MYPN: variants seen among roughly 807,000 people sequenced by gnomAD.
The protein encoded by MYPN is sarcomeric protein myopalladin, 145 kDa (MYOP).
In MYPN, 63 loss-of-function variants were observed where a neutral mutation model predicts 129.4. The observed-to-expected ratio is 0.49, with a 90% CI of 0.40 to 0.60. The LOEUF (loss-of-function observed/expected upper bound fraction) is 0.60, where lower values mean the gene tolerates loss of function less well. MYPN is among the 20% of genes least tolerant of loss of function. The pLI, the probability that MYPN is intolerant of heterozygous loss-of-function variation, is 0.00. For missense variants in MYPN, 1,596 were observed against 1,635.4 expected (o/e 0.98, Z 0.42); for synonymous variants, 629 against 600.9 (o/e 1.05, Z -0.68).
chr10:68,182,286 T>C (rs1230823947), intron 12 of MYPN, among the ~76,000 whole-genome samples: 6 of 39,436 alleles, frequency 1.5e-4, no homozygotes, highest in Non-Finnish European at 3.3e-4. Context: ...AACACACATA[T>C]ATATATAACA....
intron 6 of MYPN, among the ~76,000 whole-genome samples, chr10:68,150,930 A>G (rs968880713): frequency 6.6e-5 from 10 of 152,314 alleles, no homozygotes; most frequent in South Asian, 2.1e-4. Flanking sequence ...TCCTCTTTGA[A>G]GTATGCTTTG....
intron 5 of MYPN, among the ~76,000 whole-genome samples, chr10:68,149,232 C>T (rs996101910): frequency 1.3e-5 from 2 of 152,036 alleles, no homozygotes; most frequent in East Asian, 1.9e-4. Context: ...CCCACTCCCC[C>T]CCGAAAAATG....
At chr10:68,147,937 C>A (rs1346227870) in intron 4 of MYPN, among the ~76,000 whole-genome samples, 1 of 152,110 alleles carries the variant, frequency 6.6e-6, no homozygotes, top group Non-Finnish European at 1.5e-5. Flanking sequence ...ATATGAGAGA[C>A]CCTGTCTTGG....
chr10:68,175,366 C>G lies in MYPN; in HGVS notation c.2608C>G (p.Pro870Ala). The G allele has an allele frequency of 1.2e-6, 2 of 1,613,984 alleles. No homozygotes were observed. The highest frequency in any genetic ancestry group is 1.7e-6 in the Non-Finnish European group (2 of 1,179,930). ...GAAGAAAAATACAAAGTCTCCTCAA[C>G]CAGTGAATGATGATAACATTCGTGA... ...LAKKNTKSPQ[P>A]VNDDNIRETK... Residue 870 changes from proline to alanine, a missense_variant, in exon 12 of 20, where the codon CCA becomes GCA. Coordinates refer to ENST00000358913, the MANE Select transcript of MYPN (RefSeq NM_032578.4).
At chr10:68,088,933 C>T (rs1305159077) in intron 1 of MYPN, among the ~76,000 whole-genome samples, 2 of 152,138 alleles carry the variant, frequency 1.3e-5, no homozygotes, top group African/African-American at 4.8e-5. Context: ...ACTCACAGCC[C>T]CAGGAAACCA....
intron 1 of MYPN, among the ~76,000 whole-genome samples, chr10:68,095,022 T>C (rs565914506): frequency 1.3e-5 from 2 of 152,122 alleles, no homozygotes; most frequent in South Asian, 2.1e-4. Flanking sequence ...GATTTCACCA[T>C]TGCACTCCAG....
chr10:68,161,630 G>A (rs1395603375), intron 7 of MYPN, 99 bp from the exon 8 acceptor site: 1 of 870,444 alleles, frequency 1.1e-6, no homozygotes, highest in Non-Finnish European at 1.9e-6. Context: ...TCACTCCTGA[G>A]TGTGCAAGAG....
chr10:68,161,326 T>C (rs2042971120), intron 7 of MYPN, among the ~76,000 whole-genome samples: 1 of 151,994 alleles, frequency 6.6e-6, no homozygotes, highest in Admixed American at 6.6e-5. Context: ...TGAAACCCCA[T>C]CTCTATCAAA....
At chr10:68,192,956 TA>T (rs2043539781) in intron 13 of MYPN, among the ~76,000 whole-genome samples, 6 of 152,088 alleles carry the variant, frequency 3.9e-5, no homozygotes. Context: ...TTTATCTTTT[TA>T]AAACACCAAC....
At chr10:68,149,908 A>G (rs1340546294) in intron 5 of MYPN, 132 bp from the exon 6 acceptor site, 1 of 791,866 alleles carries the variant, frequency 1.3e-6, no homozygotes, top group Non-Finnish European at 2.2e-6. Context: ...TCTGTGATTC[A>G]TAAACTTAGA....
intron 8 of MYPN, among the ~76,000 whole-genome samples, chr10:68,162,842 G>A (rs2042999132): frequency 6.6e-6 from 1 of 152,242 alleles, no homozygotes; most frequent in East Asian, 1.9e-4. Context: ...GTTTTGGAGT[G>A]GGTTGAAGAG....
Position 68,210,350 on chromosome 10 carries a change from T to G in MYPN, c.3858T>G (p.Ser1286=). ...GGCCCAGTGGCAGTCGCTACGGATC[T>G]CTCACCAGTAAAGGACTTGACATAT... ...SVRPSGSRYG[S]LTSKGLDIFS... Residue 1286 remains serine, a synonymous_variant, in exon 20 of 20, where the codon TCT becomes TCG. Transcript: ENST00000358913. 1 of 1,614,170 alleles carries G rather than the reference T, an allele frequency of 6.2e-7. No individual in the cohort carries two copies. The highest frequency in any genetic ancestry group is 1.1e-5 in the South Asian group (1 of 91,076).
rs756127954 is a variant in MYPN, at chr10:68,150,001, T to A, written c.1246-39T>A. ...ATGTCTCACTATCCATCTAATAATATTAGTAACAATGAATTTACTGTTGCT... is the reference window on the plus strand; with the variant it reads ...ATGTCTCACTATCCATCTAATAATAATAGTAACAATGAATTTACTGTTGCT... On this transcript the variant is annotated intron_variant, in intron 5 of 19. Transcript: ENST00000358913. 9.7e-6 allele frequency: 15 copies of A among 1,543,892 alleles called. No homozygotes were observed. The African/African-American group carries it at 1.8e-4, about 18-fold the overall frequency.
At position 68,210,391 on chromosome 10, in the gene MYPN, C is replaced by G; in HGVS notation, c.3899C>G (p.Ser1300Cys). 6.2e-7 allele frequency: 1 copy of G among 1,614,150 alleles called. No homozygotes were observed. Among genetic ancestry groups the G allele is most frequent in the Non-Finnish European group, 8.5e-7 (1 of 1,180,022 alleles). Reference protein sequence around the residue: ...KGLDIFSAFSSMESTMVYSCS... With the variant: ...KGLDIFSAFSCMESTMVYSCS... Reference sequence around the variant, plus strand: ...CTTGACATATTTTCTGCCTTTTCCTCCATGGAAAGCACGATGGTGTATTCA... The same window carrying G: ...CTTGACATATTTTCTGCCTTTTCCTGCATGGAAAGCACGATGGTGTATTCA... The change falls in exon 20 of 20, where the codon TCC (serine) becomes TGC (cysteine). Residue 1300 changes from serine (S) to cysteine (C), a missense_variant. Transcript: ENST00000358913.
chr10:68,122,430 A>C (rs1165166500), intron 2 of MYPN, 90 bp downstream of exon 2: 5 of 1,344,384 alleles, frequency 3.7e-6, no homozygotes, highest in African/African-American at 1.4e-5. Flanking sequence ...CCTGGTTTAC[A>C]AAATTATATA....
chr10:68,145,861 G>C (rs1472395005), intron 4 of MYPN, among the ~76,000 whole-genome samples: 2 of 152,174 alleles, frequency 1.3e-5, no homozygotes, highest in African/African-American at 4.8e-5. Flanking sequence ...CATAACCAGA[G>C]TAAATGACTC....
At chr10:68,184,389 C>T (rs2043387179) in intron 12 of MYPN, among the ~76,000 whole-genome samples, 1 of 152,138 alleles carries the variant, frequency 6.6e-6, no homozygotes, top group Admixed American at 6.5e-5. Context: ...CCAGAGTAAA[C>T]ACGAGGAGTC....
rs779148735 is a variant in MYPN at position 68,166,498 on chromosome 10, T to C, written c.1805T>C (p.Leu602Pro). The C allele has an allele frequency of 2.7e-5, 44 of 1,614,028 alleles. No individual in the cohort carries two copies. Among genetic ancestry groups the C allele is most frequent in the Non-Finnish European group, 3.2e-5 (38 of 1,180,028 alleles). The change falls in exon 10 of 20, where the codon CTG (leucine) becomes CCG (proline). Residue 602 changes from leucine to proline, a missense_variant. By Grantham distance (98) the Leu-to-Pro change is moderately conservative. Coordinates refer to ENST00000358913, the MANE Select transcript of MYPN (RefSeq NM_032578.4). ...SRIGLRVHFNLPEDDKGSEAS... is the reference protein window; with the variant it reads ...SRIGLRVHFNPPEDDKGSEAS... The stretch of plus-strand genomic sequence containing the variant: ...ATTGGGCTTCGTGTGCACTTCAACC[T>C]GCCTGAAGATGACAAAGGAAGTGAA...
intron 10 of MYPN, among the ~76,000 whole-genome samples, chr10:68,171,031 C>T (rs1449105859): frequency 6.6e-6 from 1 of 151,758 alleles, no homozygotes; most frequent in Non-Finnish European, 1.5e-5. Flanking sequence ...TGCCTGTCAT[C>T]CCAGCTACTT....
Sources: gnomAD v4.1 joint callset for allele counts (sites outside exome capture counted in the v4.1 genomes callset) on GRCh38, gnomAD v4.1.1 for gene constraint, MANE v1.5 for transcripts, NCBI Gene and HGNC (gene_info 2026-07-23, HGNC 2026-07-21) for gene names.